CUX1: variants seen among roughly 807,000 people sequenced by gnomAD.
The protein encoded by CUX1 is cut like homeobox 1.
A neutral mutation model predicts 158.8 loss-of-function variants in CUX1; 31 were observed. The observed-to-expected ratio is 0.20, with a 90% CI of 0.15 to 0.26. CUX1 has a LOEUF of 0.26. Among genes scored for constraint, CUX1 ranks in the 10% least tolerant of loss-of-function variants. The pLI is 1.00. For synonymous variants in CUX1, 879 were observed against 862.1 expected (o/e 1.02, Z -0.34); for missense variants, 1,589 against 2,014.6 (o/e 0.79, Z 4.04).
chr7:102,282,696 G>A (rs1792175372), intron 21 of CUX1: 9 of 1,611,916 alleles, frequency 5.6e-6, no homozygotes, highest in Non-Finnish European at 7.6e-6. Flanking sequence ...AGCTCACCGT[G>A]TCTCCACCTG....
At chr7:102,040,674 T>A (rs1365812247) in intron 3 of CUX1, among the ~76,000 whole-genome samples, 1 of 152,230 alleles carries the variant, frequency 6.6e-6, no homozygotes, top group Admixed American at 6.5e-5. Context: ...CCATATCTGT[T>A]GAGCTGTAAC....
chr7:101,950,522 A>C (rs1362498423), intron 2 of CUX1, among the ~76,000 whole-genome samples: 1 of 152,178 alleles, frequency 6.6e-6, no homozygotes, highest in Non-Finnish European at 1.5e-5. Context: ...TGTGCAAGCC[A>C]TCACTGCCAT....
intron 8 of CUX1, among the ~76,000 whole-genome samples, chr7:102,121,348 GT>G (rs3216525): frequency 2.4e-3 from 311 of 131,618 alleles, no homozygotes; most frequent in Middle Eastern, 8.0e-3. Flanking sequence ...TTGCTTTTTG[GT>G]TTTTTTTTTT....
At chr7:101,890,943 G>C (rs905319551) in intron 1 of CUX1, among the ~76,000 whole-genome samples, 3 of 151,658 alleles carry the variant, frequency 2.0e-5, no homozygotes, top group African/African-American at 7.3e-5. Flanking sequence ...TGTCACTTAA[G>C]TAGGATGTCT....
At chr7:102,172,836 A>G (rs1211869962) in intron 10 of CUX1, among the ~76,000 whole-genome samples, 1 of 152,090 alleles carries the variant, frequency 6.6e-6, no homozygotes, top group African/African-American at 2.4e-5. Context: ...CTGAAGCAGG[A>G]GGATCACTTG....
At chr7:102,192,168 C>A (rs1042479650) in intron 12 of CUX1, among the ~76,000 whole-genome samples, 6 of 152,214 alleles carry the variant, frequency 3.9e-5, no homozygotes, top group Non-Finnish European at 7.3e-5. Context: ...TTCCTCACCC[C>A]CACGCAACAG....
chr7:102,216,585 CA>C (rs1797122905), intron 20 of CUX1, among the ~76,000 whole-genome samples: 127 of 7,904 alleles, frequency 0.016, 1 homozygote, highest in East Asian at 0.05. Flanking sequence ...CACACTCTCC[CA>C]CACACACACT....
At chr7:101,921,501 C>T (rs1804937705) in intron 2 of CUX1, among the ~76,000 whole-genome samples, 2 of 151,818 alleles carry the variant, frequency 1.3e-5, no homozygotes, top group South Asian at 4.2e-4. Flanking sequence ...ACTCTTGATA[C>T]CCAGGCTGGA....
At chr7:102,101,174 T>G (rs1025100462) in intron 5 of CUX1, among the ~76,000 whole-genome samples, 1 of 152,184 alleles carries the variant, frequency 6.6e-6, no homozygotes, top group African/African-American at 2.4e-5. Flanking sequence ...AACCTGAGAT[T>G]TGGAGGAGAC....
At chr7:102,010,273 T>C (rs949342776) in intron 2 of CUX1, among the ~76,000 whole-genome samples, 3 of 151,768 alleles carry the variant, frequency 2.0e-5, no homozygotes, top group African/African-American at 7.3e-5. Context: ...TGAGTGCCTG[T>C]AGCCCCAGCT....
chr7:101,825,798 T>TGTGTGTGTGCGC (rs1362738281), intron 1 of CUX1, among the ~76,000 whole-genome samples: 4 of 78,336 alleles, frequency 5.1e-5, no homozygotes, highest in Admixed American at 3.8e-4. Flanking sequence ...TGTGTGTGTG[T>TGTGTGTGTGCGC]GCGCGCGCGC....
chr7:101,855,905 G>T (rs1164623468), intron 1 of CUX1, among the ~76,000 whole-genome samples: 1 of 138,822 alleles, frequency 7.2e-6, no homozygotes, highest in Non-Finnish European at 1.5e-5. Flanking sequence ...TGCAGCTTAA[G>T]TGCTGGTTTA....
chr7:101,893,535 C>T (rs189575360), intron 1 of CUX1, among the ~76,000 whole-genome samples: 24 of 152,182 alleles, frequency 1.6e-4, no homozygotes, highest in African/African-American at 4.3e-4. Flanking sequence ...CCCCTGCGAG[C>T]GTTCTTTCAT....
chr7:102,271,680 G>A (rs986290317), intron 14 of CUX1, among the ~76,000 whole-genome samples: 11 of 152,276 alleles, frequency 7.2e-5, no homozygotes, highest in East Asian at 3.9e-4. Flanking sequence ...CCTCACTTCC[G>A]CAGATACCAC....
At chr7:102,193,994 CACTT>C (rs2131947304) in intron 13 of CUX1, 104 bp downstream of exon 13, 4 of 1,100,776 alleles carry the variant, frequency 3.6e-6, no homozygotes, top group South Asian at 2.6e-5. Flanking sequence ...CGAGACCTCT[CACTT>C]ACAGCCGATG....
At chr7:102,111,139 A>C (rs1830840016) in intron 6 of CUX1, among the ~76,000 whole-genome samples, 1 of 151,778 alleles carries the variant, frequency 6.6e-6, no homozygotes, top group Non-Finnish European at 1.5e-5. Flanking sequence ...AAGGAATGCT[A>C]TTTATTGACC....
chr7:102,225,200 A>G (rs1217761529), intron 20 of CUX1, among the ~76,000 whole-genome samples: 6 of 152,078 alleles, frequency 3.9e-5, no homozygotes, highest in Non-Finnish European at 8.8e-5. Context: ...CCGGTTTGGC[A>G]TGTGTTTTTC....
chr7:101,969,943 A>G (rs1337664114), intron 2 of CUX1, among the ~76,000 whole-genome samples: 3 of 136,572 alleles, frequency 2.2e-5, no homozygotes, highest in African/African-American at 8.2e-5. Context: ...TCCTTTTTCA[A>G]TTCTGAAACC....
At chr7:101,959,712 A>G (rs1335360833) in intron 2 of CUX1, 1 of 152,010 alleles carries the variant, frequency 6.6e-6, no homozygotes, top group Admixed American at 6.6e-5. Context: ...CACAAGAAGT[A>G]TATTCTTTTC....
Sources: allele counts gnomAD v4.1 joint callset (sites outside exome capture counted in the v4.1 genomes callset), GRCh38; gene constraint gnomAD v4.1.1; transcripts MANE v1.5; gene names NCBI Gene and HGNC (gene_info 2026-07-23, HGNC 2026-07-21).